DOCK1: variants seen among roughly 807,000 people sequenced by gnomAD.
DOCK1 encodes the protein dedicator of cytokinesis protein 1.
A neutral mutation model predicts 262.7 loss-of-function variants in DOCK1; 138 were observed. The ratio of observed to expected loss-of-function variants is 0.53; its 90% CI spans 0.46 to 0.61. DOCK1 has a LOEUF of 0.61. Among genes scored for constraint, DOCK1 ranks in the 20% least tolerant of loss-of-function variants. The pLI, the probability that DOCK1 is intolerant of heterozygous loss-of-function variation, is 0.00. For synonymous variants in DOCK1, 866 were observed against 867.4 expected, an observed-to-expected ratio of 1.00 and a Z score of 0.03; for missense variants, 1,908 against 2,370.7, an observed-to-expected ratio of 0.80 and a Z score of 4.05.
chr10:127,324,845 A>T (rs971390240), intron 29 of DOCK1, among the ~76,000 whole-genome samples: 1 of 152,232 alleles, frequency 6.6e-6, no homozygotes, highest in African/African-American at 2.4e-5. Context: ...CTGAGCCTTG[A>T]TAAATGATTC....
At chr10:126,958,644 G>A (rs2036945215) in intron 1 of DOCK1, among the ~76,000 whole-genome samples, 1 of 152,262 alleles carries the variant, frequency 6.6e-6, no homozygotes, top group East Asian at 1.9e-4. Context: ...TTGGGCACCT[G>A]GGTATTAGTA....
At chr10:127,225,749 G>T (rs778201643) in intron 27 of DOCK1, among the ~76,000 whole-genome samples, 1 of 152,264 alleles carries the variant, frequency 6.6e-6, no homozygotes, top group East Asian at 1.9e-4. Flanking sequence ...TACAACAGTG[G>T]AAAAGTAGAA....
At chr10:127,285,582 G>A (rs771793139) in intron 29 of DOCK1, among the ~76,000 whole-genome samples, 4 of 152,202 alleles carry the variant, frequency 2.6e-5, no homozygotes, top group East Asian at 1.9e-4. Context: ...GTGGGACTCC[G>A]TGCTGAGGAC....
intron 27 of DOCK1, among the ~76,000 whole-genome samples, chr10:127,246,982 TTAACTTAGGGGGCAATA>T (rs1374199450): frequency 2.0e-5 from 3 of 152,298 alleles, no homozygotes; most frequent in Admixed American, 1.3e-4. Context: ...TAAAATGTCA[TTAACTTAGGGGGCAATA>T]TTTAAAAGCA....
intron 27 of DOCK1, among the ~76,000 whole-genome samples, chr10:127,139,463 C>G (rs1304884444): frequency 6.6e-6 from 1 of 152,074 alleles, no homozygotes; most frequent in African/African-American, 2.4e-5. Flanking sequence ...TATCCTTTTC[C>G]CTTTTTTCGA....
At chr10:127,123,866 C>T (rs1231544138) in intron 25 of DOCK1, among the ~76,000 whole-genome samples, 1 of 152,178 alleles carries the variant, frequency 6.6e-6, no homozygotes, top group Non-Finnish European at 1.5e-5. Context: ...AGATGTGCAG[C>T]TCTTAGCACG....
rs112357588 is a variant in DOCK1 at position 127,353,041 on chromosome 10, G to A, written c.3225-1628G>A. Among the ~76,000 whole-genome samples the A allele has an allele frequency of 1.8e-4, 27 of 152,238 alleles. No individual in the cohort carries two copies. The South Asian group carries it at 4.6e-3, about 26-fold the overall frequency. ...TTCACCTCTGCTGGGGGACATGGGC[G>A]CAGGGGGTGTTTGTGTTCAGGGGGG... is the stretch of plus-strand genomic sequence containing the variant. On this transcript the variant is annotated intron_variant, in intron 31 of 51. Coordinates refer to ENST00000623213, the MANE Select transcript of DOCK1 (RefSeq NM_001290223.2).
intron 1 of DOCK1, among the ~76,000 whole-genome samples, chr10:126,919,958 C>T (rs1039205269): frequency 6.6e-6 from 1 of 152,112 alleles, no homozygotes; most frequent in African/African-American, 2.4e-5. Flanking sequence ...TGGGGAGTTA[C>T]GTCTTGGAGG....
chr10:127,043,104 A>C lies in DOCK1; in HGVS notation c.2141A>C (p.His714Pro). ...IGLIADRKFQHFNPVLETYIK... is the reference protein window; with the variant it reads ...IGLIADRKFQPFNPVLETYIK... Reference sequence around the variant, plus strand: ...CTGATTGCTGATAGAAAATTTCAGCATTTTAATCCTGTTTTGGAAACTTAC... The same window carrying C: ...CTGATTGCTGATAGAAAATTTCAGCCTTTTAATCCTGTTTTGGAAACTTAC... The change falls in exon 21 of 52, where the codon CAT becomes CCT. Residue 714 changes from histidine (H) to proline (P), a missense_variant. By Grantham distance (77) the His-to-Pro change is moderately conservative. Coordinates refer to ENST00000623213, the MANE Select transcript of DOCK1 (RefSeq NM_001290223.2). 6.2e-7 allele frequency: 1 copy of C among 1,611,148 alleles called. No homozygotes were observed. The highest frequency in any genetic ancestry group is 8.5e-7 in the Non-Finnish European group (1 of 1,178,502).
Position 127,012,334 on chromosome 10 carries a change from C to G in DOCK1, c.1161C>G (p.Asn387Lys). The change falls in exon 12 of 52, where the codon AAC (asparagine) becomes AAG (lysine). Residue 387 changes from asparagine (N) to lysine (K), a missense_variant. Physicochemically the swap from Asn to Lys is moderately conservative, Grantham distance 94. Around this residue, in one of 9 missense-constraint regions of DOCK1, gnomAD observed 57 missense variants for 39.7 expected, o/e 1.44. Transcript: ENST00000623213. The surrounding 1 kb of genome is among the most constrained non-coding windows in gnomAD (Gnocchi z 4.0). ...GENDFLQTVI[N>K]KVIAAKEVNH... The stretch of plus-strand genomic sequence containing the variant: ...ATGACTTCCTTCAGACTGTTATAAA[C>G]AAAGTCATCGCTGCCAAAGAAGTCA... The G allele has an allele frequency of 6.2e-7, 1 of 1,614,026 alleles. No homozygotes were observed. Among genetic ancestry groups the G allele is most frequent in the Non-Finnish European group, 8.5e-7 (1 of 1,179,898 alleles).
chr10:127,071,161 C>A (rs2135926740), intron 23 of DOCK1, among the ~76,000 whole-genome samples: 1 of 152,254 alleles, frequency 6.6e-6, no homozygotes, highest in East Asian at 1.9e-4. Context: ...AAATGCTCCC[C>A]ATTTCACTAT....
intron 5 of DOCK1, among the ~76,000 whole-genome samples, chr10:126,989,998 G>A (rs1242247843): frequency 1.3e-5 from 2 of 152,138 alleles, no homozygotes; most frequent in African/African-American, 2.4e-5. Context: ...AGGAGTTCAG[G>A]TTCTCAGTGT....
chr10:127,343,895 G>C (rs1262272012), intron 31 of DOCK1, 149 bp downstream of exon 31: 2 of 683,864 alleles, frequency 2.9e-6, no homozygotes, highest in Non-Finnish European at 4.9e-6. Context: ...ATCAGGTATT[G>C]CCTTTTCTAA....
chr10:127,129,818 T>G (rs1018017910), intron 27 of DOCK1, among the ~76,000 whole-genome samples: 1 of 152,074 alleles, frequency 6.6e-6, no homozygotes, highest in Admixed American at 6.6e-5. Context: ...GCAGGGGTGG[T>G]GGCAGATGAG....
intron 23 of DOCK1, among the ~76,000 whole-genome samples, chr10:127,087,191 A>G (rs1412305210): frequency 6.6e-6 from 1 of 152,192 alleles, no homozygotes; most frequent in African/African-American, 2.4e-5. Flanking sequence ...GACTTTCTTC[A>G]TGATATGTGT....
At chr10:127,420,032 T>C (rs1209020965) in intron 46 of DOCK1, among the ~76,000 whole-genome samples, 1 of 152,174 alleles carries the variant, frequency 6.6e-6, no homozygotes, top group Non-Finnish European at 1.5e-5. Context: ...TTTTTCTCTG[T>C]CTGTATTGAT....
chr10:127,314,282 G>C (rs1414666813), intron 29 of DOCK1, among the ~76,000 whole-genome samples: 2 of 152,168 alleles, frequency 1.3e-5, no homozygotes, highest in African/African-American at 4.8e-5. Flanking sequence ...GTGTTTATAA[G>C]TATGATTTGA....
At chr10:127,111,937 T>A (rs1215572889) in intron 25 of DOCK1, among the ~76,000 whole-genome samples, 2 of 152,226 alleles carry the variant, frequency 1.3e-5, no homozygotes, top group African/African-American at 2.4e-5. Context: ...ATTTTTAAAT[T>A]TCTGTTGCAA....
chr10:127,325,726 T>C (rs1007776710), intron 29 of DOCK1, among the ~76,000 whole-genome samples: 1 of 152,204 alleles, frequency 6.6e-6, no homozygotes, highest in Admixed American at 6.5e-5. Context: ...GGTCTTGATA[T>C]GAAAAGGCAG....
Sources: allele counts gnomAD v4.1 joint callset (sites outside exome capture counted in the v4.1 genomes callset), GRCh38; gene constraint gnomAD v4.1.1; regional missense constraint gnomAD v4.1.1; non-coding constraint Gnocchi (gnomAD v3.1); transcripts MANE v1.5; gene names NCBI Gene and HGNC (gene_info 2026-07-23, HGNC 2026-07-21).